UNC5C: variants seen among roughly 807,000 people sequenced by gnomAD.
UNC5C encodes the protein netrin receptor UNC5C.
UNC5C carries 47 observed loss-of-function variants against 99.8 expected under a neutral mutation model. The observed-to-expected ratio is 0.47, with a 90% CI of 0.37 to 0.60. The LOEUF (loss-of-function observed/expected upper bound fraction) is 0.60. UNC5C is among the 20% of genes least tolerant of loss of function. UNC5C has a pLI of 0.00. For synonymous variants in UNC5C, 487 were observed against 452.2 expected (o/e 1.08, Z -0.98); for missense variants, 1,062 against 1,165.9 (o/e 0.91, Z 1.30).
At chr4:95,199,742 G>A (rs992051109) in intron 12 of UNC5C, among the ~76,000 whole-genome samples, 9 of 152,136 alleles carry the variant, frequency 5.9e-5, no homozygotes, top group African/African-American at 1.9e-4. Flanking sequence ...CAAATATGAT[G>A]TAGGTCTTCT....
At chr4:95,201,067 C>T (rs1737635687) in intron 12 of UNC5C, among the ~76,000 whole-genome samples, 1 of 152,098 alleles carries the variant, frequency 6.6e-6, no homozygotes, top group Admixed American at 6.6e-5. Context: ...TCATCAGAGC[C>T]CACCCATGCT....
chr4:95,433,002 G>A (rs1329168070), intron 1 of UNC5C, among the ~76,000 whole-genome samples: 1 of 152,194 alleles, frequency 6.6e-6, no homozygotes, highest in African/African-American at 2.4e-5. Flanking sequence ...TTTCTTTTAT[G>A]TCAGTTACGT....
chr4:95,265,405 CTTA>C (rs1579280696), intron 4 of UNC5C, among the ~76,000 whole-genome samples: 1 of 152,160 alleles, frequency 6.6e-6, no homozygotes, highest in East Asian at 1.9e-4. Context: ...GTCCTCCAGT[CTTA>C]TTCTTCTTCA....
intron 4 of UNC5C, among the ~76,000 whole-genome samples, chr4:95,258,794 G>T (rs1390422932): frequency 9.3e-6 from 1 of 107,694 alleles, no homozygotes; most frequent in Non-Finnish European, 1.8e-5. Context: ...TCGCTCTGTC[G>T]CCCAGGCCGG....
At chr4:95,346,239 T>TCCCCCCC (rs1158118389) in intron 1 of UNC5C, among the ~76,000 whole-genome samples, 1 of 151,644 alleles carries the variant, frequency 6.6e-6, no homozygotes, top group East Asian at 1.9e-4. Flanking sequence ...CATGAAGAAA[T>TCCCCCCC]CCAAGACTCG....
chr4:95,207,461 A>G (rs1438232417), intron 10 of UNC5C, among the ~76,000 whole-genome samples: 1 of 152,196 alleles, frequency 6.6e-6, no homozygotes, highest in Non-Finnish European at 1.5e-5. Context: ...ATATATAAAA[A>G]TTGCCTTTAA....
intron 1 of UNC5C, among the ~76,000 whole-genome samples, chr4:95,346,391 A>G (rs545745270): frequency 1.1e-4 from 16 of 152,146 alleles, no homozygotes; most frequent in African/African-American, 3.6e-4. Context: ...AACTATTTCA[A>G]AAAAATGAAG....
intron 1 of UNC5C, among the ~76,000 whole-genome samples, chr4:95,441,861 C>G (rs3846455): frequency 0.11 from 16,267 of 152,138 alleles, 1,266 homozygotes; most frequent in African/African-American, 0.21. Flanking sequence ...AGGCTGGACT[C>G]TTGAGCACTG....
chr4:95,233,321 A>G (rs2149374294), intron 7 of UNC5C, among the ~76,000 whole-genome samples: 1 of 152,276 alleles, frequency 6.6e-6, no homozygotes, highest in East Asian at 1.9e-4. Context: ...GTAAATTACA[A>G]TTTTAAATTT....
At chr4:95,324,067 T>C (rs1401560934) in intron 2 of UNC5C, among the ~76,000 whole-genome samples, 1 of 150,390 alleles carries the variant, frequency 6.6e-6, no homozygotes, top group East Asian at 1.9e-4. Flanking sequence ...ATAAATAAGG[T>C]TTTCCCACTA....
chr4:95,424,111 T>A (rs976029792), intron 1 of UNC5C, among the ~76,000 whole-genome samples: 4 of 152,084 alleles, frequency 2.6e-5, no homozygotes, highest in African/African-American at 9.7e-5. Flanking sequence ...TTATAAAGGG[T>A]TCTATTTTTT....
Position 95,405,769 on chromosome 4 carries a change from G to A in UNC5C, c.125-70138C>T, listed in dbSNP as rs775850093. 2.6e-5 allele frequency among the ~76,000 whole-genome samples: 4 copies of A among 152,110 alleles called. 1 individual carries two copies. The highest frequency in any genetic ancestry group is 4.4e-5 in the Non-Finnish European group (3 of 68,020). ...TGCTGCGTGCCTGAACTTCCCACAC[G>A]TTAGCTGTGTGTGCACCAGGCTCAC... is the stretch of plus-strand genomic sequence containing the variant. On this transcript the variant is annotated intron_variant, in intron 1 of 15. Coordinates refer to ENST00000453304, the MANE Select transcript of UNC5C (RefSeq NM_003728.4).
intron 1 of UNC5C, among the ~76,000 whole-genome samples, chr4:95,417,768 C>A (rs747456317): frequency 2.2e-4 from 33 of 152,120 alleles, no homozygotes; most frequent in Middle Eastern, 3.2e-3. Flanking sequence ...CGTGCCAAGT[C>A]CAACTAAAAA....
intron 1 of UNC5C, among the ~76,000 whole-genome samples, chr4:95,450,245 T>A (rs1234288186): frequency 3.9e-5 from 6 of 152,198 alleles, no homozygotes; most frequent in Non-Finnish European, 2.9e-5. Context: ...GGGATCTTGC[T>A]CTGTCACCTA....
chr4:95,291,896 AC>A (rs1255156994), intron 3 of UNC5C, among the ~76,000 whole-genome samples: 1 of 152,076 alleles, frequency 6.6e-6, no homozygotes, highest in Non-Finnish European at 1.5e-5. Context: ...AAGGTATCAT[AC>A]TACAACTCAG....
chr4:95,288,695 T>C (rs1741333198), intron 3 of UNC5C, among the ~76,000 whole-genome samples: 2 of 152,224 alleles, frequency 1.3e-5, no homozygotes. Context: ...CAGATTCCAG[T>C]GGCTGATGGC....
At chr4:95,318,537 G>A (rs183809173) in intron 2 of UNC5C, among the ~76,000 whole-genome samples, 3 of 152,314 alleles carry the variant, frequency 2.0e-5, no homozygotes, top group Non-Finnish European at 2.9e-5. Context: ...AAAACTGTCT[G>A]CCATGCAGTG....
chr4:95,419,768 G>A (rs1218574889), intron 1 of UNC5C, among the ~76,000 whole-genome samples: 6 of 151,822 alleles, frequency 4.0e-5, no homozygotes, highest in African/African-American at 1.5e-4. Context: ...TGCTTTTCTG[G>A]TCCATGTTGA....
intron 1 of UNC5C, among the ~76,000 whole-genome samples, chr4:95,393,108 AC>A (rs1560816740): frequency 6.6e-6 from 1 of 152,160 alleles, no homozygotes; most frequent in Non-Finnish European, 1.5e-5. Flanking sequence ...CACTGGCTTA[AC>A]TTTATTATAC....
Sources: allele counts gnomAD v4.1 joint callset (sites outside exome capture counted in the v4.1 genomes callset), GRCh38; gene constraint gnomAD v4.1.1; transcripts MANE v1.5; gene names NCBI Gene and HGNC (gene_info 2026-07-23, HGNC 2026-07-21).